The following MTREX variants were observed in gnomAD, a reference collection of about 807,000 sequenced individuals.
The protein encoded by MTREX is exosome RNA helicase MTR4.
A neutral mutation model predicts 135.4 loss-of-function variants in MTREX; 76 were observed. The ratio of observed to expected loss-of-function variants is 0.56; its 90% CI spans 0.47 to 0.68. The LOEUF (loss-of-function observed/expected upper bound fraction) is 0.68, where lower values mean the gene tolerates loss of function less well. Among genes scored for constraint, MTREX ranks in the 30% least tolerant of loss-of-function variants. The pLI is 0.00. For missense variants in MTREX, 920 were observed against 1,262.1 expected, an observed-to-expected ratio of 0.73 and a Z score of 4.11; for synonymous variants, 404 against 401.6, an observed-to-expected ratio of 1.01 and a Z score of -0.07.
intron 20 of MTREX, among the ~76,000 whole-genome samples, 156 bp from the exon 21 acceptor site, chr5:55,400,077 A>G (rs562561985): frequency 1.3e-5 from 2 of 152,334 alleles, no homozygotes; most frequent in African/African-American, 4.8e-5. Context: ...AATGCAATGG[A>G]AAAATGCCCT....
At chr5:55,340,859 A>C (rs1285838636) in intron 6 of MTREX, among the ~76,000 whole-genome samples, 1 of 152,098 alleles carries the variant, frequency 6.6e-6, no homozygotes, top group African/African-American at 2.4e-5. Context: ...GGGATTACAC[A>C]TGTGAGCCAA....
Position 55,342,620 on chromosome 5 carries a change from A to G in MTREX, c.782-711A>G, listed in dbSNP as rs577842692. Reference sequence around the variant, plus strand: ...GTTAACAAACACATTGAAAAGTTAAATGTTTAATATGTACACGCTTAAAAT... The same window carrying G: ...GTTAACAAACACATTGAAAAGTTAAGTGTTTAATATGTACACGCTTAAAAT... On this transcript the variant is annotated intron_variant, in intron 7 of 26. Coordinates refer to ENST00000230640, the MANE Select transcript of MTREX (RefSeq NM_015360.5). Among the ~76,000 whole-genome samples the G allele has an allele frequency of 3.3e-5, 5 of 152,350 alleles. No individual in the cohort carries two copies. In the South Asian group the frequency reaches 6.2e-4, roughly 19 times the overall value.
intron 19 of MTREX, among the ~76,000 whole-genome samples, chr5:55,390,883 T>C (rs1404477078): frequency 6.6e-6 from 1 of 152,234 alleles, no homozygotes; most frequent in African/African-American, 2.4e-5. Context: ...CTTGAAGATG[T>C]TCTATGGAAA....
At chr5:55,353,898 T>G (rs1428460371) in intron 14 of MTREX, among the ~76,000 whole-genome samples, 1 of 152,220 alleles carries the variant, frequency 6.6e-6, no homozygotes, top group Non-Finnish European at 1.5e-5. Flanking sequence ...TCTTAAAGTT[T>G]AAGGTATTAA....
At chr5:55,372,063 T>C (rs1039052164) in intron 16 of MTREX, among the ~76,000 whole-genome samples, 3 of 152,180 alleles carry the variant, frequency 2.0e-5, no homozygotes, top group African/African-American at 4.8e-5. Flanking sequence ...GTGCTGCCTT[T>C]AGTGCTCCCC....
chr5:55,335,244 A>G (rs1045997777), intron 5 of MTREX, among the ~76,000 whole-genome samples: 1 of 152,088 alleles, frequency 6.6e-6, no homozygotes, highest in Admixed American at 6.6e-5. Context: ...TGTGATTTAT[A>G]AATATGTTTT....
chr5:55,341,841 ATTG>A, intron 7 of MTREX, 70 bp downstream of exon 7: 1 of 774,574 alleles, frequency 1.3e-6, no homozygotes, highest in East Asian at 2.7e-5. Context: ...TGAGCAAGTT[ATTG>A]TTAAACTTTG....
At chr5:55,351,139 G>A in intron 13 of MTREX, 110 bp downstream of exon 13, 1 of 1,268,586 alleles carries the variant, frequency 7.9e-7, no homozygotes, top group South Asian at 2.0e-5. Flanking sequence ...AAGGCTTAAT[G>A]AAATGACTTA....
chr5:55,335,637 C>A (rs1054741821), intron 5 of MTREX, among the ~76,000 whole-genome samples: 4 of 152,058 alleles, frequency 2.6e-5, no homozygotes, highest in African/African-American at 9.7e-5. Context: ...TATATCTTTA[C>A]ACTAGTACAC....
At chr5:55,319,196 C>T (rs1028054145) in intron 1 of MTREX, among the ~76,000 whole-genome samples, 1 of 152,142 alleles carries the variant, frequency 6.6e-6, no homozygotes, top group African/African-American at 2.4e-5. Context: ...TATGTAACCA[C>T]AGTTTATAGT....
At chr5:55,374,627 A>G (rs1423847630) in intron 16 of MTREX, among the ~76,000 whole-genome samples, 1 of 152,152 alleles carries the variant, frequency 6.6e-6, no homozygotes, top group African/African-American at 2.4e-5. Flanking sequence ...CAGTACCTCA[A>G]AAGAACAACT....
chr5:55,373,644 C>G (rs1750243474), intron 16 of MTREX, among the ~76,000 whole-genome samples: 1 of 151,854 alleles, frequency 6.6e-6, no homozygotes. Flanking sequence ...AATAATCAGA[C>G]ATAAAGAGGA....
At chr5:55,332,981 GA>G (rs1749501377) in intron 5 of MTREX, among the ~76,000 whole-genome samples, 1 of 151,636 alleles carries the variant, frequency 6.6e-6, no homozygotes, top group African/African-American at 2.4e-5. Flanking sequence ...TGTTTTTATT[GA>G]TTTTTTTCCC....
chr5:55,353,564 G>GT (rs931460884), intron 14 of MTREX, among the ~76,000 whole-genome samples: 3 of 152,166 alleles, frequency 2.0e-5, no homozygotes, highest in African/African-American at 7.2e-5. Context: ...TCACCTGGGA[G>GT]TGGTGATGTG....
At chr5:55,322,715 AT>A (rs752847812) in intron 2 of MTREX, among the ~76,000 whole-genome samples, 65 of 152,264 alleles carry the variant, frequency 4.3e-4, no homozygotes, top group Admixed American at 1.2e-3. Flanking sequence ...TTAAAACCTG[AT>A]TAAAAAAAAT....
chr5:55,351,640 A>G (rs1377312916), intron 13 of MTREX, among the ~76,000 whole-genome samples: 1 of 152,232 alleles, frequency 6.6e-6, no homozygotes, highest in Non-Finnish European at 1.5e-5. Context: ...CTTTCTGCAT[A>G]CAGAATAAAA....
chr5:55,331,174 A>G (rs1170755453), intron 5 of MTREX, among the ~76,000 whole-genome samples: 2 of 151,774 alleles, frequency 1.3e-5, no homozygotes, highest in Non-Finnish European at 2.9e-5. Flanking sequence ...TTTGGATCTG[A>G]TTTTATTGAT....
chr5:55,391,063 C>T (rs935312505), intron 19 of MTREX, among the ~76,000 whole-genome samples: 1 of 152,144 alleles, frequency 6.6e-6, no homozygotes, highest in East Asian at 1.9e-4. Context: ...CATAATTTTT[C>T]ATTGAAAATT....
intron 21 of MTREX, among the ~76,000 whole-genome samples, chr5:55,404,312 T>C (rs1490251421): frequency 6.6e-6 from 1 of 152,226 alleles, no homozygotes; most frequent in Non-Finnish European, 1.5e-5. Context: ...ATGTAATATT[T>C]ACTGATTAAC....
Sources: gnomAD v4.1 joint callset for allele counts (sites outside exome capture counted in the v4.1 genomes callset) on GRCh38, gnomAD v4.1.1 for gene constraint, MANE v1.5 for transcripts, NCBI Gene and HGNC (gene_info 2026-07-23, HGNC 2026-07-21) for gene names.